PPP1R9A: variants seen among roughly 807,000 people sequenced by gnomAD.
The protein encoded by PPP1R9A is neurabin-1.
Under a neutral mutation model 141.9 loss-of-function variants are expected in PPP1R9A, and 59 were observed. The observed-to-expected ratio is 0.42, with a 90% CI of 0.34 to 0.52. The LOEUF is 0.52. Among genes scored for constraint, PPP1R9A ranks in the 20% least tolerant of loss-of-function variants. PPP1R9A has a pLI of 0.10. For missense variants in PPP1R9A, 1,444 were observed against 1,611.9 expected, an observed-to-expected ratio of 0.90 and a Z score of 1.78; for synonymous variants, 500 against 569.7, an observed-to-expected ratio of 0.88 and a Z score of 1.74.
intron 2 of PPP1R9A, among the ~76,000 whole-genome samples, chr7:94,983,447 T>G (rs542867155): frequency 5.9e-5 from 9 of 152,288 alleles, no homozygotes; most frequent in African/African-American, 2.2e-4. Flanking sequence ...TGATACTGAT[T>G]CTTCCTATCC....
chr7:95,185,423 T>C (rs1834508298), intron 5 of PPP1R9A, among the ~76,000 whole-genome samples: 1 of 151,898 alleles, frequency 6.6e-6, no homozygotes, highest in South Asian at 2.1e-4. Context: ...AGATTCTGGG[T>C]ATTAGTCCTG....
chr7:95,069,618 C>G (rs545130030), intron 2 of PPP1R9A, among the ~76,000 whole-genome samples: 6 of 152,228 alleles, frequency 3.9e-5, no homozygotes, highest in African/African-American at 1.4e-4. Flanking sequence ...GCTCCCCAGT[C>G]AGCTTGTGTT....
At chr7:95,183,244 T>A (rs1834121764) in intron 5 of PPP1R9A, among the ~76,000 whole-genome samples, 1 of 151,790 alleles carries the variant, frequency 6.6e-6, no homozygotes, top group Non-Finnish European at 1.5e-5. Context: ...TTCAAGTGAT[T>A]CTCCTGCGTC....
intron 16 of PPP1R9A, among the ~76,000 whole-genome samples, chr7:95,277,059 C>G (rs961104991): frequency 8.5e-5 from 13 of 152,154 alleles, no homozygotes; most frequent in Non-Finnish European, 1.6e-4. Flanking sequence ...ACTCACCAAC[C>G]CTGGGAGACT....
intron 5 of PPP1R9A, among the ~76,000 whole-genome samples, chr7:95,181,236 A>G (rs952492473): frequency 1.4e-5 from 2 of 144,476 alleles, no homozygotes; most frequent in East Asian, 3.9e-4. Context: ...TAGAATATAT[A>G]TAGTATATAG....
chr7:95,181,215 G>T (rs377032945), intron 5 of PPP1R9A, among the ~76,000 whole-genome samples: 2 of 141,596 alleles, frequency 1.4e-5, no homozygotes, highest in African/African-American at 5.1e-5. Flanking sequence ...AGAATATATA[G>T]AGAAAATATA....
intron 8 of PPP1R9A, among the ~76,000 whole-genome samples, chr7:95,235,111 G>A (rs1393627225): frequency 6.6e-6 from 1 of 152,166 alleles, no homozygotes; most frequent in Non-Finnish European, 1.5e-5. Context: ...CTTAGGCAAA[G>A]AGTTCATGAC....
intron 2 of PPP1R9A, among the ~76,000 whole-genome samples, chr7:95,026,323 C>T (rs1232594850): frequency 6.6e-6 from 1 of 152,054 alleles, no homozygotes; most frequent in African/African-American, 2.4e-5. Flanking sequence ...TTCCTTCTAA[C>T]AGTTAGGCCT....
chr7:95,168,989 A>C (rs1831696896), intron 5 of PPP1R9A, among the ~76,000 whole-genome samples: 1 of 152,018 alleles, frequency 6.6e-6, no homozygotes, highest in Non-Finnish European at 1.5e-5. Flanking sequence ...CTTCTCAAAA[A>C]ACTAAAAATA....
chr7:95,168,553 T>A (rs1831623035), intron 5 of PPP1R9A, among the ~76,000 whole-genome samples: 1 of 151,786 alleles, frequency 6.6e-6, no homozygotes, highest in Admixed American at 6.6e-5. Context: ...GGGACTATAT[T>A]AATCTAAAAG....
chr7:95,215,345 C>T (rs1793119650), intron 7 of PPP1R9A, among the ~76,000 whole-genome samples: 1 of 152,058 alleles, frequency 6.6e-6, no homozygotes, highest in Non-Finnish European at 1.5e-5. Flanking sequence ...TGTATATGTG[C>T]CACATTTTCT....
intron 12 of PPP1R9A, among the ~76,000 whole-genome samples, chr7:95,263,968 T>C (rs1800852244): frequency 6.6e-6 from 1 of 152,198 alleles, no homozygotes; most frequent in Non-Finnish European, 1.5e-5. Context: ...TTTGTTATCA[T>C]GACTGTTTTG....
chr7:94,936,122 T>C (rs1794738879), intron 2 of PPP1R9A, among the ~76,000 whole-genome samples: 2 of 152,318 alleles, frequency 1.3e-5, no homozygotes, highest in African/African-American at 4.8e-5. Flanking sequence ...TAAGTGTTGA[T>C]GTCTGGGTAC....
intron 16 of PPP1R9A, among the ~76,000 whole-genome samples, chr7:95,281,324 G>A (rs1360765889): frequency 6.6e-6 from 1 of 152,142 alleles, no homozygotes; most frequent in African/African-American, 2.4e-5. Context: ...AGACGTAGGT[G>A]TCTTCTCGGA....
intron 5 of PPP1R9A, among the ~76,000 whole-genome samples, chr7:95,164,822 G>T (rs1172279502): frequency 7.6e-6 from 1 of 131,244 alleles, no homozygotes; most frequent in South Asian, 2.4e-4. Context: ...TTTATTTCTA[G>T]CTCCATTCTC....
In PPP1R9A at chr7:94,981,836, T is replaced by A. The variant is rs146984523; in HGVS notation, c.1395+70328T>A. On this transcript the variant is annotated intron_variant, in intron 2 of 19. Transcript: ENST00000433360. Reference sequence around the variant, plus strand: ...TTTTTTAATTTAATTTAATTTTTTTTAATTATACTTTAAGTTCTAGGGTAC... The same window carrying A: ...TTTTTTAATTTAATTTAATTTTTTTAAATTATACTTTAAGTTCTAGGGTAC... Among the ~76,000 whole-genome samples, 299 of 152,264 alleles carry A rather than the reference T, an allele frequency of 2.0e-3. 2 individuals are homozygous for A. The highest frequency in any genetic ancestry group is 2.9e-3 in the African/African-American group (121 of 41,554).
At chr7:95,105,575 A>G (rs1819393585) in intron 2 of PPP1R9A, among the ~76,000 whole-genome samples, 1 of 152,254 alleles carries the variant, frequency 6.6e-6, no homozygotes, top group Non-Finnish European at 1.5e-5. Context: ...ACAAAAATAC[A>G]TATATCTTGT....
intron 6 of PPP1R9A, among the ~76,000 whole-genome samples, chr7:95,198,992 T>C (rs1332163652): frequency 6.6e-6 from 1 of 152,222 alleles, no homozygotes; most frequent in Non-Finnish European, 1.5e-5. Context: ...TGGATCTGCT[T>C]ACTATGATTT....
chr7:95,077,525 A>G lies in PPP1R9A; in HGVS notation c.1396-33734A>G, dbSNP rs150766259. On this transcript the variant is annotated intron_variant, in intron 2 of 19. Coordinates refer to ENST00000433360, the MANE Select transcript of PPP1R9A (RefSeq NM_001166160.2). ...AATGCACATTAAAGGATTTCTTTCC[A>G]TAGTATAATATGAGGGAACTGTAGA... 5.4e-3 allele frequency among the ~76,000 whole-genome samples: 824 copies of G among 152,266 alleles called. 7 individuals are homozygous for G. Among genetic ancestry groups the G allele is most frequent in the African/African-American group, 0.018 (732 of 41,550 alleles).
Sources: allele counts gnomAD v4.1 joint callset (sites outside exome capture counted in the v4.1 genomes callset), GRCh38; gene constraint gnomAD v4.1.1; transcripts MANE v1.5; gene names NCBI Gene and HGNC (gene_info 2026-07-23, HGNC 2026-07-21).